Variants in EYA4 observed in about 807,000 individuals in gnomAD.
EYA4 encodes the protein EYA transcriptional coactivator and phosphatase 4, also known as protein phosphatase EYA4.
EYA4 carries 31 observed loss-of-function variants against 87.9 expected under a neutral mutation model. The observed-to-expected ratio is 0.35, with a 90% CI of 0.27 to 0.48. The LOEUF is 0.48. EYA4 is among the 20% of genes least tolerant of loss of function. EYA4 has a pLI of 0.99. For synonymous variants in EYA4, 263 were observed against 270.6 expected, an observed-to-expected ratio of 0.97 and a Z score of 0.28; for missense variants, 678 against 761.4, an observed-to-expected ratio of 0.89 and a Z score of 1.29.
intron 9 of EYA4, among the ~76,000 whole-genome samples, chr6:133,463,762 C>T (rs1157981066): frequency 6.6e-6 from 1 of 152,142 alleles, no homozygotes; most frequent in Non-Finnish European, 1.5e-5. Flanking sequence ...CTGCAAATCA[C>T]AAATTTGGGG....
At chr6:133,300,210 TGAG>T (rs1201194186) in intron 2 of EYA4, among the ~76,000 whole-genome samples, 1 of 151,712 alleles carries the variant, frequency 6.6e-6, no homozygotes, top group Non-Finnish European at 1.5e-5. Context: ...TTGAATAGGC[TGAG>T]GAGGAGGAGA....
chr6:133,396,143 A>T (rs1283860987), intron 3 of EYA4, among the ~76,000 whole-genome samples: 2 of 152,104 alleles, frequency 1.3e-5, no homozygotes, highest in Non-Finnish European at 2.9e-5. Context: ...TTGGGAAATA[A>T]TTGTTCCATT....
chr6:133,300,010 G>A (rs564827959), intron 2 of EYA4, among the ~76,000 whole-genome samples: 1 of 150,752 alleles, frequency 6.6e-6, no homozygotes, highest in South Asian at 2.1e-4. Flanking sequence ...ATAGCCTACT[G>A]TTGACCAGAA....
In EYA4 at chr6:133,481,360, A is replaced by G. The variant is rs1796202563; in HGVS notation, c.971-103A>G. On this transcript the variant is annotated intron_variant, in intron 11 of 19. Coordinates refer to ENST00000355286, the MANE Select transcript of EYA4 (RefSeq NM_004100.5). ...TATAAATCTCTTTTTTGCCATCAGGAGGTTTCTATTGTATAGGAATTTGTT... is the reference window on the plus strand; with the variant it reads ...TATAAATCTCTTTTTTGCCATCAGGGGGTTTCTATTGTATAGGAATTTGTT... The G allele has an allele frequency of 3.5e-5, 39 of 1,121,968 alleles. No homozygotes were observed. In the South Asian group the frequency reaches 4.3e-4, roughly 12 times the overall value. 69.5% of individuals were successfully genotyped at this position (1,121,968 alleles called of 1,614,324 possible).
At chr6:133,261,803 T>C (rs1775817662) in intron 1 of EYA4, among the ~76,000 whole-genome samples, 1 of 152,144 alleles carries the variant, frequency 6.6e-6, no homozygotes, top group Non-Finnish European at 1.5e-5. Flanking sequence ...TAAAAACAGG[T>C]TTTCTTCCAC....
At chr6:133,384,819 C>T (rs1036183583) in intron 3 of EYA4, among the ~76,000 whole-genome samples, 6 of 151,686 alleles carry the variant, frequency 4.0e-5, no homozygotes, top group Non-Finnish European at 5.9e-5. Flanking sequence ...GAAGAGCACT[C>T]GACACAAAAA....
chr6:133,456,556 T>C lies in EYA4; in HGVS notation c.278T>C (p.Met93Thr), dbSNP rs1344229695. The change falls in exon 6 of 20, where the codon ATG becomes ACG. Residue 93 changes from methionine (M) to threonine (T), a missense_variant and splice_region_variant. Physicochemically the swap from Met to Thr is moderately conservative, Grantham distance 81. Coordinates refer to ENST00000355286, the MANE Select transcript of EYA4 (RefSeq NM_004100.5). ...CACATGTACTTATTCTTCTACGTAG[T>C]GTCTCTTCTTGCAGTCAAAACAGAG... ...LSCNTPSSAT[M>T]SLLAVKTEPL... 1.2e-6 allele frequency: 2 copies of C among 1,603,070 alleles called. No individual in the cohort carries two copies. Among genetic ancestry groups the C allele is most frequent in the East Asian group, 2.2e-5 (1 of 44,820 alleles).
At chr6:133,281,342 C>A (rs9483565) in intron 2 of EYA4, among the ~76,000 whole-genome samples, 40,304 of 151,902 alleles carry the variant, frequency 0.27, 5,925 homozygotes, top group East Asian at 0.48. Flanking sequence ...TTGTCACTTG[C>A]GCTTTTAGTG....
At chr6:133,279,886 T>C (rs1004348157) in intron 2 of EYA4, among the ~76,000 whole-genome samples, 3 of 152,190 alleles carry the variant, frequency 2.0e-5, no homozygotes, top group Admixed American at 1.3e-4. Flanking sequence ...TTTATGACAG[T>C]GTTTAAACAG....
intron 14 of EYA4, among the ~76,000 whole-genome samples, chr6:133,508,405 T>C (rs1050491083): frequency 6.6e-6 from 1 of 152,150 alleles, no homozygotes; most frequent in Non-Finnish European, 1.5e-5. Flanking sequence ...ATTTTTTACA[T>C]ACAGCGATAA....
chr6:133,321,651 A>T (rs1486878100), intron 2 of EYA4, among the ~76,000 whole-genome samples: 1 of 152,060 alleles, frequency 6.6e-6, no homozygotes, highest in Non-Finnish European at 1.5e-5. Context: ...TGTTCACTGT[A>T]TTTCTTGGGA....
rs1021625959 is a variant in EYA4 at position 133,483,120 on chromosome 6, GAAA to G, written c.1191+6_1191+8del. ...TATGCACAGAAGTATGGCAAGGTAA[GAAA>G]TCAAGAAATGTTACTCCAAGAAATC... On this transcript the variant is annotated splice_donor_region_variant and intron_variant, in intron 13 of 19. Transcript: ENST00000355286. 10 of 1,594,992 alleles carry G rather than the reference GAAA, an allele frequency of 6.3e-6. No individual in the cohort carries two copies. Among genetic ancestry groups the G allele is most frequent in the Non-Finnish European group, 8.6e-6 (10 of 1,163,192 alleles).
Position 133,394,524 on chromosome 6 carries a change from G to T in EYA4, c.83+12083G>T, listed in dbSNP as rs138788368. On this transcript the variant is annotated intron_variant, in intron 3 of 19. Coordinates refer to ENST00000355286, the MANE Select transcript of EYA4 (RefSeq NM_004100.5). ...CACAGACTTGATGGCAAACTCAATT[G>T]TCTAGCAAACCTCACCCATACAGAC... Among the ~76,000 whole-genome samples, 24 of 151,480 alleles carry T rather than the reference G, an allele frequency of 1.6e-4. No individual in the cohort carries two copies. In the East Asian group the frequency reaches 4.1e-3, roughly 26 times the overall value.
intron 2 of EYA4, among the ~76,000 whole-genome samples, chr6:133,363,814 G>T (rs372401211): frequency 6.6e-6 from 1 of 152,278 alleles, no homozygotes; most frequent in East Asian, 1.9e-4. Flanking sequence ...CCGCTTTCGG[G>T]TCCAGTCATA....
chr6:133,311,935 A>T (rs1009858125), intron 2 of EYA4, among the ~76,000 whole-genome samples: 4 of 152,226 alleles, frequency 2.6e-5, no homozygotes, highest in African/African-American at 9.6e-5. Flanking sequence ...CTGGTAGAAT[A>T]GATATTATCC....
intron 2 of EYA4, among the ~76,000 whole-genome samples, chr6:133,363,632 G>A (rs1488943404): frequency 8.6e-6 from 1 of 116,716 alleles, no homozygotes; most frequent in African/African-American, 3.0e-5. Context: ...ACGCTGCCAC[G>A]CCTGGCTATT....
chr6:133,341,040 G>T (rs1480136738), intron 2 of EYA4, among the ~76,000 whole-genome samples: 1 of 152,166 alleles, frequency 6.6e-6, no homozygotes, highest in African/African-American at 2.4e-5. Context: ...AAATGCTAAG[G>T]TCTAGCTTCT....
At chr6:133,468,220 G>A (rs1795014733) in intron 10 of EYA4, among the ~76,000 whole-genome samples, 1 of 151,942 alleles carries the variant, frequency 6.6e-6, no homozygotes, top group Non-Finnish European at 1.5e-5. Context: ...GTGAATATGA[G>A]CTGATTCCAT....
intron 13 of EYA4, among the ~76,000 whole-genome samples, chr6:133,493,934 A>G (rs966151311): frequency 6.6e-6 from 1 of 152,180 alleles, no homozygotes; most frequent in Admixed American, 6.5e-5. Flanking sequence ...GGCAATGCCA[A>G]TGAGGTTGTA....
Sources: gnomAD v4.1 joint callset for allele counts (sites outside exome capture counted in the v4.1 genomes callset) on GRCh38, gnomAD v4.1.1 for gene constraint, MANE v1.5 for transcripts, NCBI Gene and HGNC (gene_info 2026-07-23, HGNC 2026-07-21) for gene names.